Variants in ANKRD33B observed in about 807,000 individuals in gnomAD.
ANKRD33B encodes ankyrin repeat domain 33B.
Under a neutral mutation model 21.5 loss-of-function variants are expected in ANKRD33B, and 6 were observed. The observed-to-expected ratio is 0.28, with a 90% confidence interval of 0.15 to 0.55. ANKRD33B has a LOEUF of 0.55. Among genes scored for constraint, ANKRD33B ranks in the 20% least tolerant of loss-of-function variants. The pLI is 0.94. For missense variants in ANKRD33B, 698 were observed against 747.2 expected, an observed-to-expected ratio of 0.93 and a Z score of 0.77; for synonymous variants, 347 against 342.4, an observed-to-expected ratio of 1.01 and a Z score of -0.15.
chr5:10,604,624 A>G (rs1736004467), intron 1 of ANKRD33B, among the ~76,000 whole-genome samples: 2 of 152,028 alleles, frequency 1.3e-5, no homozygotes, highest in South Asian at 4.1e-4. Context: ...AATTAATTAT[A>G]TCTAATCTCG....
chr5:10,631,563 A>G (rs1736710436), intron 2 of ANKRD33B, among the ~76,000 whole-genome samples: 1 of 152,270 alleles, frequency 6.6e-6, no homozygotes, highest in African/African-American at 2.4e-5. Context: ...TCTGGCCAGA[A>G]GCCAGAAACA....
At chr5:10,603,103 C>A (rs555931993) in intron 1 of ANKRD33B, among the ~76,000 whole-genome samples, 1 of 151,656 alleles carries the variant, frequency 6.6e-6, no homozygotes, top group Non-Finnish European at 1.5e-5. Flanking sequence ...TGTGAGCCAC[C>A]GTGCCCGGCC....
intron 2 of ANKRD33B, among the ~76,000 whole-genome samples, chr5:10,637,420 A>G (rs1736892968): frequency 8.4e-6 from 1 of 118,570 alleles, no homozygotes. Flanking sequence ...GGGCGTAGGT[A>G]GTTAGACACA....
At chr5:10,596,471 C>T (rs1342221391) in intron 1 of ANKRD33B, among the ~76,000 whole-genome samples, 1 of 152,220 alleles carries the variant, frequency 6.6e-6, no homozygotes, top group African/African-American at 2.4e-5. Context: ...CTTCCAGCAC[C>T]ATCCATGTTC....
chr5:10,565,220 T>C (rs778638825), intron 1 of ANKRD33B, among the ~76,000 whole-genome samples: 4 of 152,218 alleles, frequency 2.6e-5, no homozygotes, highest in Non-Finnish European at 1.5e-5. Flanking sequence ...CCCAGGTCCC[T>C]GGCAGGGGAC....
intron 1 of ANKRD33B, among the ~76,000 whole-genome samples, chr5:10,605,471 G>C (rs1364568298): frequency 6.6e-6 from 1 of 152,006 alleles, no homozygotes; most frequent in Non-Finnish European, 1.5e-5. Flanking sequence ...TGTTTTTGCT[G>C]TTGTAATTCA....
intron 2 of ANKRD33B, chr5:10,627,235 C>T (rs1736573607): frequency 6.6e-6 from 1 of 152,118 alleles, no homozygotes; most frequent in Admixed American, 6.5e-5. Flanking sequence ...ATAAGATAAC[C>T]AAAGAAAGGA....
At chr5:10,648,719 A>G (rs1268869806) in intron 3 of ANKRD33B, among the ~76,000 whole-genome samples, 1 of 152,130 alleles carries the variant, frequency 6.6e-6, no homozygotes, top group Non-Finnish European at 1.5e-5. Flanking sequence ...AGATTGTGCC[A>G]TTGCACTCCA....
intron 1 of ANKRD33B, among the ~76,000 whole-genome samples, chr5:10,579,480 G>C (rs1343460870): frequency 6.6e-6 from 1 of 151,986 alleles, no homozygotes; most frequent in African/African-American, 2.4e-5. Flanking sequence ...ACTTGCAGAA[G>C]AGGTATGTAG....
intron 1 of ANKRD33B, 28 bp from the exon 2 acceptor site, chr5:10,618,305 C>T (rs1265158337): frequency 6.5e-7 from 1 of 1,536,180 alleles, no homozygotes; most frequent in African/African-American, 1.4e-5. Context: ...CTCTGCCCCT[C>T]TGACCCGCTT....
intron 3 of ANKRD33B, among the ~76,000 whole-genome samples, chr5:10,646,487 T>C (rs1737191749): frequency 6.6e-6 from 1 of 152,200 alleles, no homozygotes; most frequent in Non-Finnish European, 1.5e-5. Context: ...TTAGAATGTT[T>C]GTATTTTCTG....
intron 1 of ANKRD33B, among the ~76,000 whole-genome samples, chr5:10,592,544 C>A (rs909297610): frequency 4.0e-5 from 6 of 151,238 alleles, no homozygotes; most frequent in African/African-American, 9.7e-5. Flanking sequence ...ATCGCTTGAA[C>A]CCGGGAGGTG....
chr5:10,654,435 G>T lies in ANKRD33B; in HGVS notation c.*4322G>T, dbSNP rs1381959622. ...ATATATAAATATAGTTAGAGGAAAA[G>T]TTGAAGTCTATTTTACTACTTTTTA... On this transcript the variant is annotated 3_prime_UTR_variant, in exon 4 of 4. Transcript: ENST00000296657. The T allele has an allele frequency of 1.3e-5, 2 of 152,364 alleles. No homozygotes were observed. Among genetic ancestry groups the T allele is most frequent in the Non-Finnish European group, 2.9e-5 (2 of 68,046 alleles). The allele number at this position is 152,364 out of a possible 1,614,324, so 9.4% of individuals were successfully genotyped here. A position where few individuals can be genotyped will look rare whatever the true frequency, so the allele number is the denominator to read the frequency against.
At chr5:10,621,278 G>A (rs1736414079) in intron 2 of ANKRD33B, among the ~76,000 whole-genome samples, 2 of 152,032 alleles carry the variant, frequency 1.3e-5, no homozygotes, top group African/African-American at 4.8e-5. Context: ...AGTGAGGAAT[G>A]GTATTTAGAA....
At chr5:10,617,023 C>T (rs1209746838) in intron 1 of ANKRD33B, among the ~76,000 whole-genome samples, 3 of 152,148 alleles carry the variant, frequency 2.0e-5, no homozygotes, top group Non-Finnish European at 4.4e-5. Flanking sequence ...CTCTCTGTGT[C>T]CTTACATGGA....
intron 1 of ANKRD33B, among the ~76,000 whole-genome samples, chr5:10,593,121 T>C (rs958603726): frequency 6.6e-6 from 1 of 152,214 alleles, no homozygotes; most frequent in African/African-American, 2.4e-5. Flanking sequence ...ATCTTAATTA[T>C]GCTTATTATT....
At chr5:10,610,751 A>G (rs138460189) in intron 1 of ANKRD33B, among the ~76,000 whole-genome samples, 3 of 152,358 alleles carry the variant, frequency 2.0e-5, no homozygotes, top group African/African-American at 7.2e-5. Context: ...AATGCTCCCT[A>G]TTAAATATAT....
chr5:10,600,806 C>G (rs887921918), intron 1 of ANKRD33B, among the ~76,000 whole-genome samples: 4 of 152,124 alleles, frequency 2.6e-5, no homozygotes, highest in Non-Finnish European at 5.9e-5. Flanking sequence ...CACACCCTTG[C>G]CAACATTTGG....
In ANKRD33B at chr5:10,649,763, C is replaced by T. The variant is rs1215832496; in HGVS notation, c.1135C>T (p.Arg379Trp). ...GRTGQEDADS[R>W]EGSPRAGLPP... is the part of the protein sequence containing the mutation. ...GACCGGACAGGAGGACGCGGACTCC[C>T]GGGAGGGCTCCCCGAGAGCCGGCCT... The change falls in exon 4 of 4, where the codon CGG (arginine) becomes TGG (tryptophan). Residue 379 changes from arginine to tryptophan, a missense_variant. By Grantham distance (101) the Arg-to-Trp change is moderately radical. Coordinates refer to ENST00000296657, the MANE Select transcript of ANKRD33B (RefSeq NM_001164440.2). The T allele has an allele frequency of 2.8e-6, 4 of 1,415,162 alleles. No homozygotes were observed. Among genetic ancestry groups the T allele is most frequent in the South Asian group, 3.0e-5 (2 of 66,772 alleles). The allele number at this position is 1,415,162 out of a possible 1,614,324, so 87.7% of individuals were successfully genotyped here.
Sources: gnomAD v4.1 joint callset for allele counts (sites outside exome capture counted in the v4.1 genomes callset) on GRCh38, gnomAD v4.1.1 for gene constraint, MANE v1.5 for transcripts, NCBI Gene and HGNC (gene_info 2026-07-23, HGNC 2026-07-21) for gene names.